BANK1: variants seen among roughly 807,000 people sequenced by gnomAD.
BANK1 encodes the protein B-cell scaffold protein with ankyrin repeats.
A neutral mutation model predicts 94.5 loss-of-function variants in BANK1; 95 were observed. The ratio of observed to expected loss-of-function variants is 1.00; its 90% confidence interval spans 0.85 to 1.19. The LOEUF (loss-of-function observed/expected upper bound fraction) is 1.19. BANK1 is among the 50% of genes most tolerant of loss of function. The pLI, the probability that BANK1 is intolerant of heterozygous loss-of-function variation, is 0.00. For synonymous variants in BANK1, 334 were observed against 308.4 expected (o/e 1.08, Z -0.87); for missense variants, 987 against 932.2 (o/e 1.06, Z -0.77).
At chr4:101,863,284 A>G (rs185874061) in intron 4 of BANK1, among the ~76,000 whole-genome samples, 8 of 152,158 alleles carry the variant, frequency 5.3e-5, no homozygotes, top group African/African-American at 1.4e-4. Flanking sequence ...ATCAAAATCT[A>G]ATATTAATCT....
Position 101,853,669 on chromosome 4 carries a change from CA to C in BANK1, c.470-1365del, listed in dbSNP as rs1403685228. Among the ~76,000 whole-genome samples, 10 of 152,252 alleles carry C rather than the reference CA, an allele frequency of 6.6e-5. No individual in the cohort carries two copies. The East Asian group carries it at 1.9e-3, about 29-fold the overall frequency. On this transcript the variant is annotated intron_variant, in intron 2 of 16. Coordinates refer to ENST00000322953, the MANE Select transcript of BANK1 (RefSeq NM_017935.5). ...AAGCAGGCGTAATTTTATGATTTGA[CA>C]TATTAATGGAATATTAATGACTCTA...
chr4:101,944,662 C>T (rs761121100), intron 7 of BANK1, among the ~76,000 whole-genome samples: 5 of 151,964 alleles, frequency 3.3e-5, no homozygotes, highest in Non-Finnish European at 5.9e-5. Context: ...AGGACATACA[C>T]ACTTATGGAC....
intron 7 of BANK1, among the ~76,000 whole-genome samples, chr4:101,928,411 GA>G (rs1229084344): frequency 4.7e-5 from 7 of 150,220 alleles, no homozygotes; most frequent in Admixed American, 3.3e-4. Flanking sequence ...AACTGTCAGG[GA>G]AAAAAAAATC....
chr4:101,951,355 A>AT (rs1206134692), intron 7 of BANK1, among the ~76,000 whole-genome samples: 1 of 152,170 alleles, frequency 6.6e-6, no homozygotes, highest in Non-Finnish European at 1.5e-5. Context: ...TTATAAAAAT[A>AT]TGTACAATTT....
intron 7 of BANK1, among the ~76,000 whole-genome samples, chr4:101,979,351 C>G (rs1725247913): frequency 6.6e-6 from 1 of 151,784 alleles, no homozygotes; most frequent in South Asian, 2.1e-4. Context: ...ACCAATAAAG[C>G]TGTGAATATA....
chr4:101,926,182 ATG>A lies in BANK1; in HGVS notation c.1206+7995_1206+7996del, dbSNP rs368048671. 4.1e-3 allele frequency among the ~76,000 whole-genome samples: 628 copies of A among 151,790 alleles called. 4 individuals are homozygous for A. The highest frequency in any genetic ancestry group is 0.014 in the African/African-American group (570 of 41,476). Reference sequence around the variant, plus strand: ...ATGAAATGGTTTTTACTTTAAATTCATGTAAAGGCCTCTCCAGGCATATGAAA... The same window carrying A: ...ATGAAATGGTTTTTACTTTAAATTCATAAAGGCCTCTCCAGGCATATGAAA... On this transcript the variant is annotated intron_variant, in intron 7 of 16. Transcript: ENST00000322953.
chr4:102,027,834 T>C (rs7685012), intron 9 of BANK1, among the ~76,000 whole-genome samples: 12,802 of 152,214 alleles, frequency 0.084, 690 homozygotes, highest in South Asian at 0.14. Flanking sequence ...TCCTGGAAAG[T>C]AATTATCGGA....
rs1490856104 is a variant in BANK1, at chr4:102,000,248, G to C, written c.1207-21266G>C. On this transcript the variant is annotated intron_variant, in intron 7 of 16. Transcript: ENST00000322953. ...TGAGGTAGTAGAATCGCTTGAACCCGGGAAGTGGAAGTTGCAGTGAGCCAA... is the reference window on the plus strand; with the variant it reads ...TGAGGTAGTAGAATCGCTTGAACCCCGGAAGTGGAAGTTGCAGTGAGCCAA... Among the ~76,000 whole-genome samples, 5 of 134,072 alleles carry C rather than the reference G, an allele frequency of 3.7e-5. No individual in the cohort carries two copies. The Admixed American group carries it at 3.8e-4, about 10-fold the overall frequency. 88.0% of individuals were successfully genotyped at this position (134,072 alleles called of 152,430 possible).
At chr4:101,818,536 A>C (rs1001426008) in intron 1 of BANK1, among the ~76,000 whole-genome samples, 6 of 152,134 alleles carry the variant, frequency 3.9e-5, no homozygotes. Context: ...GGAATGTAGT[A>C]CAGTAGTCCC....
rs114485441 is a variant in BANK1 at position 101,888,655 on chromosome 4, T to C, written c.904-6650T>C. ...GCGTGTTACTGAATTTTTTGTATCA[T>C]GCTTATCACCTCTATAAAAGTAGAC... On this transcript the variant is annotated intron_variant, in intron 5 of 16. Coordinates refer to ENST00000322953, the MANE Select transcript of BANK1 (RefSeq NM_017935.5). Among the ~76,000 whole-genome samples the C allele has an allele frequency of 2.9e-3, 435 of 152,372 alleles. 1 individual carries two copies. The highest frequency in any genetic ancestry group is 9.8e-3 in the African/African-American group (407 of 41,590).
intron 5 of BANK1, among the ~76,000 whole-genome samples, chr4:101,889,389 G>C (rs991376525): frequency 1.3e-5 from 2 of 151,756 alleles, no homozygotes; most frequent in South Asian, 4.2e-4. Context: ...ATGAGGTCAG[G>C]AGATCGAGAC....
At chr4:102,043,312 G>A (rs1341571747) in intron 10 of BANK1, among the ~76,000 whole-genome samples, 1 of 152,058 alleles carries the variant, frequency 6.6e-6, no homozygotes, top group Non-Finnish European at 1.5e-5. Context: ...GCACTTTTCA[G>A]ATAATGAAGT....
At chr4:101,846,499 T>TAAG (rs747476087) in intron 2 of BANK1, among the ~76,000 whole-genome samples, 1 of 152,176 alleles carries the variant, frequency 6.6e-6, no homozygotes, top group African/African-American at 2.4e-5. Context: ...GGGTAATTTT[T>TAAG]AAGACTGGGT....
chr4:101,841,006 T>C (rs1262973993), intron 2 of BANK1, among the ~76,000 whole-genome samples: 1 of 152,190 alleles, frequency 6.6e-6, no homozygotes, highest in Non-Finnish European at 1.5e-5. Flanking sequence ...TTTTTATTTT[T>C]AGTAGAGAAA....
intron 7 of BANK1, among the ~76,000 whole-genome samples, chr4:101,950,061 G>GCA (rs1491437445): frequency 3.2e-5 from 4 of 123,782 alleles, no homozygotes; most frequent in Non-Finnish European, 6.1e-5. Context: ...GTGTGTGTGT[G>GCA]CGCGTGCGCG....
intron 3 of BANK1, among the ~76,000 whole-genome samples, chr4:101,859,999 G>C (rs1727808533): frequency 6.6e-6 from 1 of 152,138 alleles, no homozygotes; most frequent in African/African-American, 2.4e-5. Flanking sequence ...GTGCTTTAGT[G>C]TTCCTTTGAA....
intron 7 of BANK1, among the ~76,000 whole-genome samples, chr4:101,936,759 G>A (rs2631252): frequency 0.81 from 122,232 of 151,442 alleles, 49,953 homozygotes; most frequent in Non-Finnish European, 0.88. Flanking sequence ...ACAATGAGAT[G>A]TTATCTCACC....
chr4:101,984,349 G>T (rs1276413516), intron 7 of BANK1, among the ~76,000 whole-genome samples: 1 of 151,928 alleles, frequency 6.6e-6, no homozygotes, highest in Non-Finnish European at 1.5e-5. Context: ...TTATGAAAAT[G>T]ACACTAAGTA....
At chr4:101,876,982 T>C (rs1351942622) in intron 5 of BANK1, among the ~76,000 whole-genome samples, 2 of 151,120 alleles carry the variant, frequency 1.3e-5, no homozygotes, top group African/African-American at 2.4e-5. Context: ...GAAGACAGGC[T>C]ATTTGAAGAT....
Sources: allele counts gnomAD v4.1 joint callset (sites outside exome capture counted in the v4.1 genomes callset), GRCh38; gene constraint gnomAD v4.1.1; transcripts MANE v1.5; gene names NCBI Gene and HGNC (gene_info 2026-07-23, HGNC 2026-07-21).